The following PAK5 variants were observed in gnomAD, a reference collection of about 807,000 sequenced individuals.
PAK5 encodes p21 (RAC1) activated kinase 5, also known as serine/threonine-protein kinase PAK 5.
PAK5 carries 16 observed loss-of-function variants against 65.9 expected under a neutral mutation model. The observed-to-expected ratio is 0.24, with a 90% confidence interval of 0.16 to 0.37. The LOEUF is 0.37. Ranked by LOEUF, PAK5 falls within the 10% of genes least tolerant of loss-of-function variation. The pLI is 1.00. For synonymous variants in PAK5, 371 were observed against 354.9 expected (o/e 1.05, Z -0.51); for missense variants, 785 against 903.9 (o/e 0.87, Z 1.69).
intron 1 of PAK5, among the ~76,000 whole-genome samples, chr20:9,766,912 T>G (rs1253711333): frequency 2.9e-5 from 1 of 34,028 alleles, no homozygotes; most frequent in Non-Finnish European, 6.7e-5. Context: ...ATTAAAATGT[T>G]TTTTTTTTTA....
chr20:9,645,065 A>AAT (rs1241509945), intron 2 of PAK5, among the ~76,000 whole-genome samples: 2 of 152,202 alleles, frequency 1.3e-5, no homozygotes, highest in Admixed American at 6.5e-5. Context: ...TTTACAAAGC[A>AAT]CTTGGAAAAA....
chr20:9,770,426 G>A (rs532640533), intron 1 of PAK5, among the ~76,000 whole-genome samples: 1 of 152,230 alleles, frequency 6.6e-6, no homozygotes, highest in South Asian at 2.1e-4. Flanking sequence ...GAGTAAAGGG[G>A]CTCCAGAAAC....
At chr20:9,780,039 T>C (rs2048925962) in intron 1 of PAK5, among the ~76,000 whole-genome samples, 1 of 152,078 alleles carries the variant, frequency 6.6e-6, no homozygotes, top group East Asian at 1.9e-4. Context: ...AAATCTCCCA[T>C]GAAGCTATTG....
chr20:9,735,983 C>A (rs184920262), intron 1 of PAK5, among the ~76,000 whole-genome samples: 2 of 150,350 alleles, frequency 1.3e-5, no homozygotes, highest in East Asian at 2.0e-4. Context: ...CTCACCACAA[C>A]TTCCAACTCC....
chr20:9,749,703 CTGTT>C (rs1385224073), intron 1 of PAK5, among the ~76,000 whole-genome samples: 2 of 152,114 alleles, frequency 1.3e-5, no homozygotes, highest in Non-Finnish European at 2.9e-5. Flanking sequence ...AGTATACAAA[CTGTT>C]TGTTCTGATC....
At chr20:9,671,280 C>G (rs913709038) in intron 2 of PAK5, among the ~76,000 whole-genome samples, 4 of 152,120 alleles carry the variant, frequency 2.6e-5, no homozygotes, top group Non-Finnish European at 5.9e-5. Flanking sequence ...TCCATATGAA[C>G]TTTAAAGTAG....
intron 1 of PAK5, among the ~76,000 whole-genome samples, chr20:9,769,895 A>G (rs113355935): frequency 3.3e-5 from 5 of 152,242 alleles, no homozygotes; most frequent in African/African-American, 9.6e-5. Flanking sequence ...TAAATATGGT[A>G]CAAAGAAATT....
intron 6 of PAK5, among the ~76,000 whole-genome samples, chr20:9,562,246 C>G (rs1001445550): frequency 6.6e-6 from 1 of 151,970 alleles, no homozygotes; most frequent in African/African-American, 2.4e-5. Context: ...CAGTGATGTC[C>G]CTGAGGGGAT....
intron 1 of PAK5, among the ~76,000 whole-genome samples, chr20:9,778,240 T>C (rs1480663811): frequency 6.6e-6 from 1 of 152,176 alleles, no homozygotes; most frequent in Non-Finnish European, 1.5e-5. Context: ...GAGGTTTTTA[T>C]GTTGTTGTTG....
rs73240979 is a variant in PAK5 at position 9,659,656 on chromosome 20, C to T, written c.-11-15317G>A. On this transcript the variant is annotated intron_variant, in intron 2 of 9. Transcript: ENST00000353224. The stretch of plus-strand genomic sequence containing the variant: ...CAAATAAGAAGGGAATTTGCTGTTA[C>T]GAGTAAAGAATGGAATCTTCTGAGT... 1.1e-3 allele frequency among the ~76,000 whole-genome samples: 161 copies of T among 152,114 alleles called. 1 individual carries two copies. The highest frequency in any genetic ancestry group is 3.5e-3 in the African/African-American group (147 of 41,496).
At chr20:9,726,848 C>T (rs982487088) in intron 1 of PAK5, among the ~76,000 whole-genome samples, 11 of 151,996 alleles carry the variant, frequency 7.2e-5, no homozygotes, top group Non-Finnish European at 1.3e-4. Flanking sequence ...AAAGTATTAG[C>T]GACCAAAAAG....
chr20:9,573,704 C>T (rs56137443), intron 4 of PAK5, among the ~76,000 whole-genome samples: 7,253 of 152,146 alleles, frequency 0.048, 198 homozygotes, highest in Non-Finnish European at 0.064. Flanking sequence ...GCACTGTGGC[C>T]TTCTGTTCTG....
chr20:9,715,845 A>G (rs1478713326), intron 1 of PAK5, among the ~76,000 whole-genome samples: 1 of 143,534 alleles, frequency 7.0e-6, no homozygotes, highest in Admixed American at 7.2e-5. Context: ...GAATTGAACA[A>G]TGAGAACACT....
intron 3 of PAK5, among the ~76,000 whole-genome samples, chr20:9,615,097 A>G (rs1041236212): frequency 6.6e-6 from 1 of 152,226 alleles, no homozygotes; most frequent in East Asian, 1.9e-4. Flanking sequence ...TGTAATATAT[A>G]ATTCCAACCA....
At chr20:9,674,543 A>G (rs1165536389) in intron 2 of PAK5, among the ~76,000 whole-genome samples, 1 of 152,192 alleles carries the variant, frequency 6.6e-6, no homozygotes, top group African/African-American at 2.4e-5. Flanking sequence ...TGTTATTTGA[A>G]ATGAGGAAAG....
intron 3 of PAK5, among the ~76,000 whole-genome samples, chr20:9,638,729 G>T (rs2047012576): frequency 6.6e-6 from 1 of 152,170 alleles, no homozygotes; most frequent in Non-Finnish European, 1.5e-5. Context: ...ACAGAGGAGA[G>T]GTGTGTCCTG....
chr20:9,630,940 T>C (rs1309566571), intron 3 of PAK5, among the ~76,000 whole-genome samples: 2 of 152,156 alleles, frequency 1.3e-5, no homozygotes, highest in African/African-American at 2.4e-5. Flanking sequence ...GCTGGGGGCA[T>C]ATAATTTGTC....
At chr20:9,793,579 A>G (rs1017098602) in intron 1 of PAK5, among the ~76,000 whole-genome samples, 2 of 152,124 alleles carry the variant, frequency 1.3e-5, no homozygotes, top group Non-Finnish European at 2.9e-5. Flanking sequence ...ATGAAAAAAA[A>G]ACTCATCATC....
chr20:9,813,291 G>A (rs1306642196), intron 1 of PAK5, among the ~76,000 whole-genome samples: 1 of 151,380 alleles, frequency 6.6e-6, no homozygotes, highest in Non-Finnish European at 1.5e-5. Flanking sequence ...AAACTTTTGG[G>A]GGTGACAGAT....
Sources: allele counts gnomAD v4.1 joint callset (sites outside exome capture counted in the v4.1 genomes callset), GRCh38; gene constraint gnomAD v4.1.1; transcripts MANE v1.5; gene names NCBI Gene and HGNC (gene_info 2026-07-23, HGNC 2026-07-21).